ZNF385D: variants seen among roughly 807,000 people sequenced by gnomAD.
ZNF385D encodes zinc finger protein 659.
Under a neutral mutation model 35.8 loss-of-function variants are expected in ZNF385D, and 15 were observed. That is an observed-to-expected ratio of 0.42 (90% CI 0.28 to 0.64). ZNF385D has a LOEUF of 0.64. ZNF385D is among the 30% of genes least tolerant of loss of function. The pLI is 0.23. For synonymous variants in ZNF385D, 212 were observed against 186.8 expected (o/e 1.13, Z -1.10); for missense variants, 474 against 494.6 (o/e 0.96, Z 0.39).
At chr3:21,723,366 G>A (rs138606573) in intron 1 of ZNF385D, among the ~76,000 whole-genome samples, 2 of 152,264 alleles carry the variant, frequency 1.3e-5, no homozygotes, top group Non-Finnish European at 2.9e-5. Flanking sequence ...AGCTAAAGGA[G>A]CGTGTTCTAA....
intron 2 of ZNF385D, among the ~76,000 whole-genome samples, chr3:22,222,338 A>G (rs1385046162): frequency 6.6e-6 from 1 of 152,112 alleles, no homozygotes; most frequent in African/African-American, 2.4e-5. Context: ...CAAAAAAAGA[A>G]AAAAAAATCT....
At chr3:22,148,204 T>C (rs889304413) in intron 3 of ZNF385D, among the ~76,000 whole-genome samples, 1 of 152,160 alleles carries the variant, frequency 6.6e-6, no homozygotes, top group Admixed American at 6.5e-5. Context: ...TCTTTAGCCA[T>C]GCATGATGGA....
chr3:22,095,966 G>T (rs1701599584), intron 3 of ZNF385D, among the ~76,000 whole-genome samples: 2 of 151,904 alleles, frequency 1.3e-5, no homozygotes, highest in South Asian at 4.1e-4. Context: ...TTTTTAAAAT[G>T]ATTCTGTAAA....
Position 22,167,978 on chromosome 3 carries a change from A to G in ZNF385D, c.325+839T>C, listed in dbSNP as rs569791215. Among the ~76,000 whole-genome samples the G allele has an allele frequency of 2.0e-5, 3 of 152,314 alleles. No individual in the cohort carries two copies. In the South Asian group the frequency reaches 6.2e-4, roughly 32 times the overall value. ...AGAATGTACTTTTATTTTTCTTCTC[A>G]TCATTTGGCCACCTTGAAGCAAACT... On this transcript the variant is annotated intron_variant, in intron 3 of 5. Transcript: ENST00000494108.
intron 3 of ZNF385D, among the ~76,000 whole-genome samples, chr3:21,848,778 T>C (rs1015852959): frequency 3.9e-5 from 6 of 152,020 alleles, no homozygotes; most frequent in Non-Finnish European, 2.9e-5. Context: ...CAGGACCATA[T>C]GGCTTCACTG....
intron 3 of ZNF385D, among the ~76,000 whole-genome samples, chr3:21,926,933 AG>A (rs1700757693): frequency 6.6e-6 from 1 of 152,134 alleles, no homozygotes; most frequent in Non-Finnish European, 1.5e-5. Context: ...GAATCTACAA[AG>A]AACTGTCCTC....
intron 3 of ZNF385D, among the ~76,000 whole-genome samples, chr3:21,858,221 G>T (rs1052880716): frequency 5.3e-5 from 8 of 149,968 alleles, no homozygotes; most frequent in Non-Finnish European, 1.0e-4. Flanking sequence ...GTCAGAAAAA[G>T]TCAAGGTCAC....
intron 3 of ZNF385D, among the ~76,000 whole-genome samples, chr3:22,094,855 C>A (rs762070529): frequency 6.6e-6 from 1 of 152,064 alleles, no homozygotes; most frequent in Non-Finnish European, 1.5e-5. Context: ...CTTGAAGGCA[C>A]AGCCTCATGG....
intron 3 of ZNF385D, among the ~76,000 whole-genome samples, chr3:21,939,262 G>A (rs530247467): frequency 6.6e-6 from 1 of 152,098 alleles, no homozygotes; most frequent in South Asian, 2.1e-4. Flanking sequence ...CTAAATCAGG[G>A]GTTTAATATG....
intron 2 of ZNF385D, among the ~76,000 whole-genome samples, chr3:22,334,295 A>G (rs141114853): frequency 1.5e-4 from 23 of 152,126 alleles, no homozygotes; most frequent in Non-Finnish European, 2.9e-4. Context: ...TTACAGTTCT[A>G]TGTTCTTTAA....
upstream of ZNF385D, among the ~76,000 whole-genome samples, chr3:21,755,103 T>A (rs1338002020): frequency 6.6e-6 from 1 of 152,206 alleles, no homozygotes; most frequent in Non-Finnish European, 1.5e-5. Context: ...CATAGCTGCA[T>A]GGAGCAGAGA....
intron 3 of ZNF385D, among the ~76,000 whole-genome samples, chr3:21,765,743 AC>A (rs1195780862): frequency 1.5e-5 from 2 of 135,684 alleles, no homozygotes; most frequent in African/African-American, 5.0e-5. Context: ...AGAGAGAGAG[AC>A]AGAGAGAGAG....
intron 2 of ZNF385D, among the ~76,000 whole-genome samples, chr3:22,189,308 A>G (rs1328604445): frequency 6.6e-6 from 1 of 152,182 alleles, no homozygotes; most frequent in African/African-American, 2.4e-5. Context: ...GATAGGAACC[A>G]TACATAGGGC....
chr3:21,493,266 T>C (rs924411751), intron 4 of ZNF385D, among the ~76,000 whole-genome samples: 4 of 152,136 alleles, frequency 2.6e-5, no homozygotes, highest in Non-Finnish European at 5.9e-5. Flanking sequence ...TTTCTACTAG[T>C]AGAGAGATAA....
intron 3 of ZNF385D, among the ~76,000 whole-genome samples, chr3:22,123,886 CAAACAAAAACA>C (rs995937266): frequency 5.4e-5 from 8 of 149,186 alleles, no homozygotes; most frequent in Non-Finnish European, 8.9e-5. Flanking sequence ...CAAACCAAAC[CAAACAAAAACA>C]AAACAAAAAC....
At chr3:22,073,090 C>T (rs1488922313) in intron 3 of ZNF385D, among the ~76,000 whole-genome samples, 5 of 151,974 alleles carry the variant, frequency 3.3e-5, no homozygotes, top group African/African-American at 1.2e-4. Context: ...ATGTAGCAAT[C>T]CATAAGGGCA....
At chr3:22,101,105 C>G (rs971873570) in intron 3 of ZNF385D, among the ~76,000 whole-genome samples, 22 of 151,820 alleles carry the variant, frequency 1.4e-4, no homozygotes, top group African/African-American at 5.1e-4. Flanking sequence ...TTGTCGAATT[C>G]TAATGTTCAT....
intron 3 of ZNF385D, among the ~76,000 whole-genome samples, chr3:21,863,953 G>C (rs1306963177): frequency 6.6e-6 from 1 of 152,062 alleles, no homozygotes; most frequent in East Asian, 1.9e-4. Context: ...CAGCAAATCT[G>C]GGGAAGATGC....
intron 2 of ZNF385D, among the ~76,000 whole-genome samples, chr3:22,276,336 A>T (rs928601178): frequency 6.6e-6 from 1 of 152,118 alleles, no homozygotes; most frequent in Non-Finnish European, 1.5e-5. Flanking sequence ...AATTTATAAT[A>T]GCCACTCGTT....
Sources: gnomAD v4.1 joint callset for allele counts (sites outside exome capture counted in the v4.1 genomes callset) on GRCh38, gnomAD v4.1.1 for gene constraint, MANE v1.5 for transcripts, NCBI Gene and HGNC (gene_info 2026-07-23, HGNC 2026-07-21) for gene names.